Variants in MGMT observed in about 807,000 individuals in gnomAD.
MGMT encodes the protein O-6-methylguanine-DNA methyltransferase.
In MGMT, 14 loss-of-function variants were observed where a neutral mutation model predicts 15.9. The ratio of observed to expected loss-of-function variants is 0.88; its 90% CI spans 0.58 to 1.37. The LOEUF (loss-of-function observed/expected upper bound fraction) is 1.37. Among genes scored for constraint, MGMT ranks in the 40% most tolerant of loss-of-function variants. The probability of loss-of-function intolerance (pLI) is 0.00; values close to 1 mark genes in which losing one functional copy is unlikely to be tolerated. For synonymous variants in MGMT, 130 were observed against 118.2 expected (o/e 1.10, Z -0.65); for missense variants, 282 against 268.1 (o/e 1.05, Z -0.36).
At chr10:129,468,388 C>T (rs1197633482) in intron 1 of MGMT, among the ~76,000 whole-genome samples, 1 of 152,160 alleles carries the variant, frequency 6.6e-6, no homozygotes, top group Non-Finnish European at 1.5e-5. Context: ...GGCCAGGATA[C>T]TTGCCCAGAC....
intron 1 of MGMT, chr10:129,467,565 C>T (rs555883264): frequency 6.1e-5 from 24 of 392,268 alleles, no homozygotes; most frequent in African/African-American, 4.5e-4. Flanking sequence ...CCCTGCCTTA[C>T]CTCTAGGTGC....
intron 2 of MGMT, among the ~76,000 whole-genome samples, chr10:129,557,498 G>A (rs1441723940): frequency 6.6e-6 from 1 of 152,150 alleles, no homozygotes; most frequent in Non-Finnish European, 1.5e-5. Context: ...AATTGTAATT[G>A]TCCTCAGATA....
chr10:129,536,388 GCCCACGTGATC>G lies in MGMT; in HGVS notation c.125+13_125+23del. ...GACGTCTGCAGCTGAGTAAGTATGA[GCCCACGTGATC>G]CTGTATACCGCACATGCTGAAGCAA... On this transcript the variant is annotated intron_variant, in intron 2 of 4. Transcript: ENST00000651593. 6.2e-7 allele frequency: 1 copy of G among 1,610,042 alleles called. No individual in the cohort carries two copies. Among genetic ancestry groups the G allele is most frequent in the African/African-American group, 1.3e-5 (1 of 74,628 alleles).
chr10:129,480,841 CTG>C (rs1279928724), intron 1 of MGMT, among the ~76,000 whole-genome samples: 1 of 152,236 alleles, frequency 6.6e-6, no homozygotes, highest in Non-Finnish European at 1.5e-5. Context: ...GTCTGAATAA[CTG>C]TTGTTTGTGA....
intron 2 of MGMT, among the ~76,000 whole-genome samples, chr10:129,565,095 G>T (rs1034248733): frequency 1.3e-5 from 2 of 152,230 alleles, no homozygotes; most frequent in Non-Finnish European, 2.9e-5. Context: ...CATCTAGCTG[G>T]GCGCTGCGTG....
At chr10:129,598,789 C>T (rs1005765752) in intron 2 of MGMT, among the ~76,000 whole-genome samples, 2 of 152,110 alleles carry the variant, frequency 1.3e-5, no homozygotes, top group South Asian at 2.1e-4. Flanking sequence ...GACGACTTGC[C>T]CACACCCCCT....
intron 2 of MGMT, among the ~76,000 whole-genome samples, chr10:129,611,835 CACT>C (rs1846964722): frequency 6.6e-6 from 1 of 152,150 alleles, no homozygotes; most frequent in Admixed American, 6.5e-5. Flanking sequence ...GGGTGTGATG[CACT>C]GGTCCTGAAA....
At chr10:129,740,192 AG>A (rs751380318) in intron 3 of MGMT, among the ~76,000 whole-genome samples, 5 of 152,244 alleles carry the variant, frequency 3.3e-5, no homozygotes, top group Non-Finnish European at 7.3e-5. Flanking sequence ...AACATGCATC[AG>A]GTGCTCCAAG....
At chr10:129,707,850 G>T in intron 2 of MGMT, 45 bp from the exon 3 acceptor site, 2 of 1,606,648 alleles carry the variant, frequency 1.2e-6, no homozygotes. Context: ...GATGTGTGGA[G>T]GCAGGGCCCA....
chr10:129,702,781 T>C (rs1013770817), intron 2 of MGMT, among the ~76,000 whole-genome samples: 1 of 152,140 alleles, frequency 6.6e-6, no homozygotes, highest in Non-Finnish European at 1.5e-5. Flanking sequence ...ATTTCAGTGG[T>C]GGGTGAGTTG....
At chr10:129,512,979 G>A (rs1369250474) in intron 1 of MGMT, among the ~76,000 whole-genome samples, 1 of 152,172 alleles carries the variant, frequency 6.6e-6, no homozygotes, top group Non-Finnish European at 1.5e-5. Context: ...ATTCACAGTG[G>A]CCAAAAGGAG....
In MGMT at chr10:129,735,203, G is replaced by A. The variant is rs186879442; in HGVS notation, c.275-23999G>A. 9.2e-5 allele frequency among the ~76,000 whole-genome samples: 14 copies of A among 152,282 alleles called. No homozygotes were observed. The East Asian group carries it at 2.7e-3, about 29-fold the overall frequency. Reference sequence around the variant, plus strand: ...ATCCATCTGGTCCTGGACTCTTTTTGTTGATAAGCTATTGATTATTGCCAC... The same window carrying A: ...ATCCATCTGGTCCTGGACTCTTTTTATTGATAAGCTATTGATTATTGCCAC... On this transcript the variant is annotated intron_variant, in intron 3 of 4. Coordinates refer to ENST00000651593, the MANE Select transcript of MGMT (RefSeq NM_002412.5).
At chr10:129,505,385 GACA>G (rs1361276588) in intron 1 of MGMT, among the ~76,000 whole-genome samples, 1 of 152,190 alleles carries the variant, frequency 6.6e-6, no homozygotes, top group Non-Finnish European at 1.5e-5. Flanking sequence ...ATAGGGGGCT[GACA>G]ACATATCAAA....
intron 3 of MGMT, among the ~76,000 whole-genome samples, chr10:129,716,270 G>A (rs934077124): frequency 1.3e-5 from 2 of 152,160 alleles, no homozygotes; most frequent in Non-Finnish European, 2.9e-5. Context: ...CCACTCTGGC[G>A]AGCCCACCCT....
chr10:129,744,082 G>A (rs990810608), intron 3 of MGMT, among the ~76,000 whole-genome samples: 15 of 152,344 alleles, frequency 9.8e-5, no homozygotes, highest in Middle Eastern at 3.4e-3. Flanking sequence ...CCTCAAGTAC[G>A]TGTTTGAAAG....
intron 3 of MGMT, among the ~76,000 whole-genome samples, chr10:129,758,291 C>G (rs1301976264): frequency 6.6e-6 from 1 of 152,110 alleles, no homozygotes; most frequent in Non-Finnish European, 1.5e-5. Flanking sequence ...CGTTCCTGCC[C>G]GCGGAAGCCT....
intron 2 of MGMT, among the ~76,000 whole-genome samples, chr10:129,574,606 A>C (rs118016728): frequency 0.032 from 4,941 of 152,232 alleles, 130 homozygotes; most frequent in South Asian, 0.064. Context: ...TGGGTTCAAT[A>C]TTAGCTCTGC....
chr10:129,748,660 A>G (rs1420911610), intron 3 of MGMT, among the ~76,000 whole-genome samples: 1 of 152,206 alleles, frequency 6.6e-6, no homozygotes, highest in Non-Finnish European at 1.5e-5. Flanking sequence ...CTTTCTGTAT[A>G]CTAACCCACG....
At chr10:129,605,783 T>C (rs948811792) in intron 2 of MGMT, among the ~76,000 whole-genome samples, 3 of 152,206 alleles carry the variant, frequency 2.0e-5, no homozygotes, top group African/African-American at 4.8e-5. Context: ...AGCTTGGTCT[T>C]GCGGGTTAAT....
Sources: gnomAD v4.1 joint callset for allele counts (sites outside exome capture counted in the v4.1 genomes callset) on GRCh38, gnomAD v4.1.1 for gene constraint, MANE v1.5 for transcripts, NCBI Gene and HGNC (gene_info 2026-07-23, HGNC 2026-07-21) for gene names.